PRKCZ: variants seen among roughly 807,000 people sequenced by gnomAD.
PRKCZ encodes protein kinase C zeta.
Under a neutral mutation model 79.5 loss-of-function variants are expected in PRKCZ, and 33 were observed. The observed-to-expected ratio is 0.41, with a 90% confidence interval of 0.31 to 0.55. The LOEUF is 0.55. Ranked by LOEUF, PRKCZ falls within the 20% of genes least tolerant of loss-of-function variation. The probability of loss-of-function intolerance (pLI) is 0.19; values close to 1 mark genes in which losing one functional copy is unlikely to be tolerated. For synonymous variants in PRKCZ, 342 were observed against 320.9 expected (o/e 1.07, Z -0.70); for missense variants, 578 against 813.5 (o/e 0.71, Z 3.52).
intron 5 of PRKCZ, among the ~76,000 whole-genome samples, chr1:2,137,795 TTTTCC>T (rs778057159): frequency 9.2e-5 from 14 of 151,782 alleles, no homozygotes; most frequent in Non-Finnish European, 2.1e-4. Flanking sequence ...GAGCAAAAGC[TTTTCC>T]TTTCCTTCCT....
At chr1:2,071,934 T>C (rs993853146) in intron 4 of PRKCZ, among the ~76,000 whole-genome samples, 1 of 152,236 alleles carries the variant, frequency 6.6e-6, no homozygotes, top group African/African-American at 2.4e-5. Context: ...AGTGAAACTT[T>C]ATGCACGCTG....
At chr1:2,057,211 G>C (rs1042467264) in intron 3 of PRKCZ, among the ~76,000 whole-genome samples, 13 of 152,194 alleles carry the variant, frequency 8.5e-5, no homozygotes, top group African/African-American at 4.8e-5. Context: ...GCTGTCCTCA[G>C]CTTTAAGTTC....
intron 4 of PRKCZ, among the ~76,000 whole-genome samples, chr1:2,087,503 G>A (rs1355296896): frequency 6.6e-6 from 1 of 152,176 alleles, no homozygotes. Context: ...ATGGCATCCC[G>A]AGGTGCCAGG....
intron 5 of PRKCZ, 92 bp from the exon 6 acceptor site, chr1:2,144,118 T>C (rs1365797943): frequency 6.7e-7 from 1 of 1,481,632 alleles, no homozygotes. Flanking sequence ...CAGTGTCCTC[T>C]TTTGAGAAGG....
chr1:2,154,868 G>C (rs1016094139), intron 9 of PRKCZ, among the ~76,000 whole-genome samples: 6 of 152,238 alleles, frequency 3.9e-5, no homozygotes, highest in African/African-American at 1.4e-4. Flanking sequence ...GAGGGTGACA[G>C]TCCTATGGCT....
chr1:2,135,383 C>T (rs1271694669), intron 5 of PRKCZ, 36 bp downstream of exon 5: 4 of 1,536,420 alleles, frequency 2.6e-6, no homozygotes, highest in African/African-American at 2.8e-5. Flanking sequence ...CCTCAAGGGG[C>T]CTTTTGTTAC....
intron 4 of PRKCZ, among the ~76,000 whole-genome samples, chr1:2,077,539 C>T (rs1441281659): frequency 1.3e-5 from 2 of 152,164 alleles, no homozygotes; most frequent in Non-Finnish European, 2.9e-5. Context: ...TGTTGTTGCC[C>T]TTGTTAAATG....
At chr1:2,117,450 G>A (rs1195776803) in intron 4 of PRKCZ, among the ~76,000 whole-genome samples, 1 of 151,608 alleles carries the variant, frequency 6.6e-6, no homozygotes, top group Non-Finnish European at 1.5e-5. Flanking sequence ...CCTGGTCCCC[G>A]TAGTTTGTCT....
At chr1:2,055,395 C>A in intron 1 of PRKCZ, 46 bp from the exon 2 acceptor site, 2 of 1,537,560 alleles carry the variant, frequency 1.3e-6, no homozygotes, top group Non-Finnish European at 1.8e-6. Context: ...TAATTTGATT[C>A]AAATATGCCC....
chr1:2,074,386 G>A, intron 4 of PRKCZ: 3 of 1,446,442 alleles, frequency 2.1e-6, no homozygotes, highest in Non-Finnish European at 2.8e-6. Flanking sequence ...CCAGGGAGTT[G>A]CTGGCTGTTG....
intron 4 of PRKCZ, among the ~76,000 whole-genome samples, chr1:2,121,976 G>A (rs556218333): frequency 5.2e-4 from 4 of 7,748 alleles, no homozygotes; most frequent in African/African-American, 2.0e-3. Context: ...TCACGGTGGT[G>A]GTTAGGGTCA....
chr1:2,053,351 G>A (rs2102199070), intron 1 of PRKCZ, among the ~76,000 whole-genome samples: 1 of 152,306 alleles, frequency 6.6e-6, no homozygotes, highest in East Asian at 1.9e-4. Flanking sequence ...CGCCCGCCTT[G>A]GCCTCCCAAA....
At chr1:2,143,986 AGGCCTCTCCTTGG>A (rs1677952206) in intron 5 of PRKCZ, 1 of 555,794 alleles carries the variant, frequency 1.8e-6, no homozygotes, top group Non-Finnish European at 3.1e-6. Flanking sequence ...GCAGGGTTCC[AGGCCTCTCCTTGG>A]GGCCACTGGT....
intron 1 of PRKCZ, among the ~76,000 whole-genome samples, chr1:2,053,258 G>T (rs990266143): frequency 6.6e-6 from 1 of 152,022 alleles, no homozygotes; most frequent in African/African-American, 2.4e-5. Context: ...CCGCCACCAC[G>T]CCCGGTTAAC....
chr1:2,132,002 G>T (rs574792711), intron 4 of PRKCZ, among the ~76,000 whole-genome samples: 7 of 152,104 alleles, frequency 4.6e-5, no homozygotes, highest in African/African-American at 1.7e-4. Context: ...TAGTAGAGAC[G>T]GGGTTTCACC....
chr1:2,051,716 C>T (rs919100651), intron 1 of PRKCZ, among the ~76,000 whole-genome samples: 3 of 152,120 alleles, frequency 2.0e-5, no homozygotes, highest in Non-Finnish European at 4.4e-5. Context: ...CCTCTCAGGA[C>T]AGTGCCCCGG....
At chr1:2,087,467 G>A (rs1258305597) in intron 4 of PRKCZ, among the ~76,000 whole-genome samples, 1 of 152,194 alleles carries the variant, frequency 6.6e-6, no homozygotes, top group Non-Finnish European at 1.5e-5. Context: ...GCCCCACCAC[G>A]CAGAGAGCTG....
At position 2,174,150 on chromosome 1, in the gene PRKCZ, C is replaced by T. The variant is rs944797622; in HGVS notation, c.1405+134C>T. 1.7e-5 allele frequency: 21 copies of T among 1,209,494 alleles called. No individual in the cohort carries two copies. In the South Asian group the frequency reaches 2.4e-4, roughly 14 times the overall value. 74.9% of individuals were successfully genotyped at this position (1,209,494 alleles called of 1,614,324 possible). A position where few individuals can be genotyped will look rare whatever the true frequency, so the allele number is the denominator to read the frequency against. Reference sequence around the variant, plus strand: ...GCAAAGCGTACCGGGAACCATTCCTCCTGGCCAGACCCTGTGTCACATGCC... The same window carrying T: ...GCAAAGCGTACCGGGAACCATTCCTTCTGGCCAGACCCTGTGTCACATGCC... On this transcript the variant is annotated intron_variant, in intron 14 of 17. Transcript: ENST00000378567. This position sits in a 1 kb window ranked among gnomAD's most constrained non-coding sequence, Gnocchi z 6.2.
intron 16 of PRKCZ, among the ~76,000 whole-genome samples, chr1:2,180,349 G>A (rs1247065462): frequency 3.3e-5 from 5 of 152,196 alleles, no homozygotes; most frequent in Non-Finnish European, 5.9e-5. Context: ...ACGCCCGGAC[G>A]ACGTGGACAC....
Sources: gnomAD v4.1 joint callset for allele counts (sites outside exome capture counted in the v4.1 genomes callset) on GRCh38, gnomAD v4.1.1 for gene constraint, Gnocchi (gnomAD v3.1) non-coding constraint, MANE v1.5 for transcripts, NCBI Gene and HGNC (gene_info 2026-07-23, HGNC 2026-07-21) for gene names.